The following ATP8A2 variants were observed in gnomAD, a reference collection of about 807,000 sequenced individuals.
ATP8A2 encodes the protein phospholipid-transporting ATPase IB.
ATP8A2 carries 100 observed loss-of-function variants against 165.6 expected under a neutral mutation model. The ratio of observed to expected loss-of-function variants is 0.60; its 90% CI spans 0.51 to 0.71. ATP8A2 has a LOEUF of 0.71. Ranked by LOEUF, ATP8A2 falls within the 30% of genes least tolerant of loss-of-function variation. The probability of loss-of-function intolerance (pLI) is 0.00; values close to 1 mark genes in which losing one functional copy is unlikely to be tolerated. For missense variants in ATP8A2, 1,227 were observed against 1,479.5 expected, an observed-to-expected ratio of 0.83 and a Z score of 2.80; for synonymous variants, 543 against 548.8, an observed-to-expected ratio of 0.99 and a Z score of 0.15.
chr13:25,461,881 A>G (rs867601791), intron 1 of ATP8A2, among the ~76,000 whole-genome samples: 1 of 131,006 alleles, frequency 7.6e-6, no homozygotes, highest in African/African-American at 2.8e-5. Context: ...AGGAGGAGGA[A>G]GAAGGAGACT....
intron 25 of ATP8A2, among the ~76,000 whole-genome samples, chr13:25,755,832 G>A (rs1274820750): frequency 5.3e-5 from 8 of 152,116 alleles, no homozygotes; most frequent in Admixed American, 1.3e-4. Flanking sequence ...GATTGAACCT[G>A]GGAGGTGGAC....
chr13:25,641,368 C>T (rs1219495951), intron 24 of ATP8A2, among the ~76,000 whole-genome samples: 2 of 152,140 alleles, frequency 1.3e-5, no homozygotes, highest in African/African-American at 4.8e-5. Context: ...ATCGTTTCAG[C>T]CCAAAATCTC....
intron 6 of ATP8A2, among the ~76,000 whole-genome samples, 188 bp downstream of exon 6, chr13:25,533,501 C>T (rs1192930493): frequency 6.6e-6 from 1 of 152,204 alleles, no homozygotes; most frequent in Non-Finnish European, 1.5e-5. Context: ...TCACTTCAAG[C>T]TATGAACTTC....
intron 6 of ATP8A2, among the ~76,000 whole-genome samples, chr13:25,535,280 C>T (rs1345856561): frequency 6.6e-6 from 1 of 152,200 alleles, no homozygotes; most frequent in East Asian, 1.9e-4. Context: ...TGCTGAAGCT[C>T]AGATCTGCTG....
At chr13:25,943,325 G>A (rs1002125752) in intron 33 of ATP8A2, among the ~76,000 whole-genome samples, 3 of 152,194 alleles carry the variant, frequency 2.0e-5, no homozygotes, top group African/African-American at 7.2e-5. Flanking sequence ...CATGCACGAT[G>A]TAACAACGTT....
At chr13:25,681,534 G>A (rs925172930) in intron 24 of ATP8A2, among the ~76,000 whole-genome samples, 2 of 152,108 alleles carry the variant, frequency 1.3e-5, no homozygotes, top group African/African-American at 2.4e-5. Context: ...TTCAGTCCAC[G>A]CAGGGAAACG....
chr13:25,862,414 T>C lies in ATP8A2; in HGVS notation c.3183+6T>C. ...CTCCAGATATGAGAGGACAGGTAAG[T>C]ACTCCTGATTGGGAGTGTGTCTTCT... is the stretch of plus-strand genomic sequence containing the variant. On this transcript the variant is annotated splice_donor_region_variant and intron_variant, in intron 33 of 36. Coordinates refer to ENST00000381655, the MANE Select transcript of ATP8A2 (RefSeq NM_016529.6). 1 of 1,599,886 alleles carries C rather than the reference T, an allele frequency of 6.3e-7. No individual in the cohort carries two copies. The highest frequency in any genetic ancestry group is 1.3e-5 in the African/African-American group (1 of 74,726).
chr13:25,705,445 C>A, intron 25 of ATP8A2: 1 of 163,284 alleles, frequency 6.1e-6, no homozygotes, highest in Non-Finnish European at 1.3e-5. Context: ...AGGAAAACAC[C>A]GCGGCAGGGA....
Position 25,741,273 on chromosome 13 carries a change from C to T in ATP8A2, c.2385-27773C>T, listed in dbSNP as rs145872065. ...ATTGTTGCCTCATTTCTTAAGACAT[C>T]GGGACTGATGATCTCCCTGGATAGT... is the stretch of plus-strand genomic sequence containing the variant. On this transcript the variant is annotated intron_variant, in intron 25 of 36. Coordinates refer to ENST00000381655, the MANE Select transcript of ATP8A2 (RefSeq NM_016529.6). Among the ~76,000 whole-genome samples the T allele has an allele frequency of 1.1e-3, 168 of 152,272 alleles. 1 individual carries two copies. In the East Asian group the frequency reaches 0.024, roughly 22 times the overall value.
intron 1 of ATP8A2, among the ~76,000 whole-genome samples, chr13:25,429,458 C>T (rs970629388): frequency 3.3e-5 from 5 of 151,818 alleles, no homozygotes; most frequent in African/African-American, 1.2e-4. Flanking sequence ...GGGGATTCAC[C>T]CCATTCTCCC....
intron 1 of ATP8A2, among the ~76,000 whole-genome samples, chr13:25,408,898 A>T (rs1483668359): frequency 6.6e-6 from 1 of 152,248 alleles, no homozygotes; most frequent in Non-Finnish European, 1.5e-5. Flanking sequence ...ATATGGAAAT[A>T]ATGAGCTTTC....
At chr13:25,701,150 C>A (rs115154806) in intron 25 of ATP8A2, among the ~76,000 whole-genome samples, 2,283 of 152,200 alleles carry the variant, frequency 0.015, 61 homozygotes, top group African/African-American at 0.052. Flanking sequence ...TTTTCACTTT[C>A]CTGATAGTAT....
chr13:25,585,131 C>T (rs1046128118), intron 23 of ATP8A2, among the ~76,000 whole-genome samples: 2 of 152,178 alleles, frequency 1.3e-5, no homozygotes, highest in South Asian at 2.1e-4. Flanking sequence ...GATAGACAAT[C>T]ATCTTGTGTA....
rs1214453308 is a variant in ATP8A2 at position 25,372,305 on chromosome 13, G to T, written c.76+17G>T. 4 of 1,461,874 alleles carry T rather than the reference G, an allele frequency of 2.7e-6. No individual in the cohort carries two copies. The East Asian group carries it at 1.2e-4, about 45-fold the overall frequency. 90.6% of individuals were successfully genotyped at this position (1,461,874 alleles called of 1,614,324 possible). On this transcript the variant is annotated intron_variant, in intron 1 of 36. Transcript: ENST00000381655. This position sits in a 1 kb window ranked among gnomAD's most constrained non-coding sequence, Gnocchi z 4.8. ...CGTCCGTGGGTGAGCTGGGAGGGGC[G>T]CGGCGAGGGAGGGTGGGCCCGGGGC... is the stretch of plus-strand genomic sequence containing the variant.
Position 25,806,001 on chromosome 13 carries a change from A to G in ATP8A2, c.2680-22117A>G, listed in dbSNP as rs1029629135. Reference sequence around the variant, plus strand: ...TATCTTCTACTCTGAAGGGCAGGTCATAAGAGCAGGCTCCTGGTGATGAGA... The same window carrying G: ...TATCTTCTACTCTGAAGGGCAGGTCGTAAGAGCAGGCTCCTGGTGATGAGA... On this transcript the variant is annotated intron_variant, in intron 27 of 36. Transcript: ENST00000381655. Among the ~76,000 whole-genome samples, 5 of 152,212 alleles carry G rather than the reference A, an allele frequency of 3.3e-5. No individual in the cohort carries two copies. In the East Asian group the frequency reaches 7.7e-4, roughly 23 times the overall value.
chr13:25,874,249 C>A (rs1952762473), intron 33 of ATP8A2, among the ~76,000 whole-genome samples: 1 of 152,164 alleles, frequency 6.6e-6, no homozygotes, highest in Non-Finnish European at 1.5e-5. Flanking sequence ...CTTCCCACTT[C>A]CTGGTGTGAG....
At chr13:25,438,441 T>C (rs974401361) in intron 1 of ATP8A2, among the ~76,000 whole-genome samples, 4 of 152,034 alleles carry the variant, frequency 2.6e-5, no homozygotes, top group African/African-American at 9.7e-5. Context: ...GCCAGGAGTT[T>C]AGATGAGCCT....
chr13:25,538,764 G>A (rs1043718735), intron 7 of ATP8A2, among the ~76,000 whole-genome samples: 10 of 152,126 alleles, frequency 6.6e-5, no homozygotes, highest in African/African-American at 2.4e-4. Context: ...ACACTGTTGG[G>A]AATCATAGAT....
chr13:25,845,504 G>T (rs1331726050), intron 30 of ATP8A2, among the ~76,000 whole-genome samples: 2 of 152,138 alleles, frequency 1.3e-5, no homozygotes, highest in Non-Finnish European at 2.9e-5. Flanking sequence ...CTCCCTCACC[G>T]TTTAAGGAGA....
Sources: allele counts gnomAD v4.1 joint callset (sites outside exome capture counted in the v4.1 genomes callset), GRCh38; gene constraint gnomAD v4.1.1; non-coding constraint Gnocchi (gnomAD v3.1); transcripts MANE v1.5; gene names NCBI Gene and HGNC (gene_info 2026-07-23, HGNC 2026-07-21).